R3HDM1: variants seen among roughly 807,000 people sequenced by gnomAD.
R3HDM1 encodes R3H domain-containing protein 1.
In R3HDM1, 46 loss-of-function variants were observed where a neutral mutation model predicts 141.1. The observed-to-expected ratio is 0.33, with a 90% confidence interval of 0.26 to 0.42. The LOEUF (loss-of-function observed/expected upper bound fraction) is 0.42, where lower values mean the gene tolerates loss of function less well. Among genes scored for constraint, R3HDM1 ranks in the 10% least tolerant of loss-of-function variants. The pLI is 1.00. For synonymous variants in R3HDM1, 435 were observed against 472.9 expected, an observed-to-expected ratio of 0.92 and a Z score of 1.04; for missense variants, 1,184 against 1,368.3, an observed-to-expected ratio of 0.87 and a Z score of 2.12.
At chr2:135,655,784 G>A (rs546795047) in intron 18 of R3HDM1, among the ~76,000 whole-genome samples, 7 of 152,034 alleles carry the variant, frequency 4.6e-5, no homozygotes, top group South Asian at 4.1e-4. Flanking sequence ...GTGAGCCACC[G>A]CACCTGGCCT....
At chr2:135,581,232 A>C (rs1287607383) in intron 1 of R3HDM1, 1 of 985,286 alleles carries the variant, frequency 1.0e-6, no homozygotes, top group Non-Finnish European at 1.2e-6. Flanking sequence ...ATACTGTATG[A>C]AGAAAGTGGG....
chr2:135,541,868 A>AAGAAAG (rs1553518081), intron 1 of R3HDM1, among the ~76,000 whole-genome samples: 2 of 143,880 alleles, frequency 1.4e-5, no homozygotes, highest in Admixed American at 7.0e-5. Flanking sequence ...AAAAAAAAAA[A>AAGAAAG]AAAGAAAGAA....
intron 1 of R3HDM1, among the ~76,000 whole-genome samples, chr2:135,541,911 A>G (rs757082489): frequency 1.3e-5 from 2 of 151,900 alleles, no homozygotes; most frequent in Non-Finnish European, 1.5e-5. Context: ...TGAAGTGCAT[A>G]TAGGTTGAGT....
At chr2:135,609,256 T>C (rs1307621527) in intron 3 of R3HDM1, among the ~76,000 whole-genome samples, 4 of 152,224 alleles carry the variant, frequency 2.6e-5, no homozygotes, top group African/African-American at 9.6e-5. Flanking sequence ...CTTTCCACTT[T>C]TAAAAAATGT....
At chr2:135,651,287 T>C (rs2065119814) in intron 17 of R3HDM1, 3 of 985,028 alleles carry the variant, frequency 3.0e-6, no homozygotes, top group Non-Finnish European at 3.6e-6. Flanking sequence ...AATTTGCATT[T>C]TGCCTTCTAG....
intron 11 of R3HDM1, among the ~76,000 whole-genome samples, chr2:135,638,011 C>T (rs552154543): frequency 6.6e-6 from 1 of 152,228 alleles, no homozygotes; most frequent in Admixed American, 6.5e-5. Context: ...ACAGGTGTCT[C>T]GCTATAGTTT....
chr2:135,721,556 T>G (rs1219419299), intron 24 of R3HDM1: 1 of 185,686 alleles, frequency 5.4e-6, no homozygotes, highest in African/African-American at 2.4e-5. Context: ...TTTGAACAAT[T>G]AGAAAACTCT....
chr2:135,617,771 A>G (rs945710667), intron 5 of R3HDM1, among the ~76,000 whole-genome samples: 1 of 152,208 alleles, frequency 6.6e-6, no homozygotes, highest in African/African-American at 2.4e-5. Context: ...GTTGTACTTA[A>G]TAAGAGTTTG....
chr2:135,616,270 A>G (rs1455721024), intron 4 of R3HDM1, 77 bp downstream of exon 4: 2 of 1,388,462 alleles, frequency 1.4e-6, no homozygotes, highest in East Asian at 2.3e-5. Context: ...TTCATATAGC[A>G]CTACATTCAG....
At chr2:135,608,294 T>G (rs2060250637) in intron 3 of R3HDM1, among the ~76,000 whole-genome samples, 1 of 151,906 alleles carries the variant, frequency 6.6e-6, no homozygotes, top group South Asian at 2.1e-4. Flanking sequence ...CCAGCCTAGG[T>G]GACACAGCGA....
At chr2:135,568,844 C>T (rs1703407511) in intron 1 of R3HDM1, 1 of 152,156 alleles carries the variant, frequency 6.6e-6, no homozygotes. Context: ...TGAGGTCCAA[C>T]GATTCAGTCT....
intron 7 of R3HDM1, among the ~76,000 whole-genome samples, chr2:135,625,111 T>C (rs75143402): frequency 0.093 from 14,195 of 152,030 alleles, 916 homozygotes; most frequent in South Asian, 0.31. Flanking sequence ...CCTGAGAACA[T>C]TTGTCCTGGA....
intron 16 of R3HDM1, among the ~76,000 whole-genome samples, chr2:135,648,333 G>A (rs74686543): frequency 0.014 from 2,180 of 152,040 alleles, 32 homozygotes; most frequent in Non-Finnish European, 0.019. Context: ...TGGTAAAAGT[G>A]CAACTCAAAT....
chr2:135,657,877 A>G (rs931297282), intron 18 of R3HDM1, among the ~76,000 whole-genome samples: 2 of 152,246 alleles, frequency 1.3e-5, no homozygotes, highest in African/African-American at 4.8e-5. Flanking sequence ...CATTAGAAAT[A>G]TGGTCATGCA....
intron 1 of R3HDM1, among the ~76,000 whole-genome samples, chr2:135,584,926 A>T (rs1202073921): frequency 1.3e-5 from 2 of 152,232 alleles, no homozygotes; most frequent in East Asian, 3.8e-4. Context: ...TGTTTCTCAT[A>T]AGTAACAAAG....
chr2:135,636,415 C>T (rs2063254214), intron 11 of R3HDM1, among the ~76,000 whole-genome samples: 1 of 152,116 alleles, frequency 6.6e-6, no homozygotes. Flanking sequence ...AGGTAGACTA[C>T]AGGAGTCATT....
At chr2:135,650,285 C>G in intron 17 of R3HDM1, 1 of 985,338 alleles carries the variant, frequency 1.0e-6, no homozygotes, top group Non-Finnish European at 1.2e-6. Context: ...TAGCAACTTT[C>G]TCATTGAGGC....
intron 1 of R3HDM1, among the ~76,000 whole-genome samples, chr2:135,534,632 C>T (rs1048460603): frequency 2.0e-5 from 3 of 152,192 alleles, no homozygotes; most frequent in Admixed American, 6.5e-5. Flanking sequence ...AGACAAGCTG[C>T]ACCTTATGCA....
At chr2:135,615,692 T>C (rs2105155918) in intron 3 of R3HDM1, among the ~76,000 whole-genome samples, 1 of 152,356 alleles carries the variant, frequency 6.6e-6, no homozygotes, top group East Asian at 1.9e-4. Flanking sequence ...AGATTTGTGG[T>C]TGGACTCTGA....
Sources: allele counts gnomAD v4.1 joint callset (sites outside exome capture counted in the v4.1 genomes callset), GRCh38; gene constraint gnomAD v4.1.1; transcripts MANE v1.5; gene names NCBI Gene and HGNC (gene_info 2026-07-23, HGNC 2026-07-21).